Variants in SHROOM3 observed in about 807,000 individuals in gnomAD.
The protein encoded by SHROOM3 is shroom family member 3, also known as protein Shroom3.
Under a neutral mutation model 138.6 loss-of-function variants are expected in SHROOM3, and 47 were observed. That is an observed-to-expected ratio of 0.34 (90% CI 0.27 to 0.43). The LOEUF (loss-of-function observed/expected upper bound fraction) is 0.43, where lower values mean the gene tolerates loss of function less well. Ranked by LOEUF, SHROOM3 falls within the 20% of genes least tolerant of loss-of-function variation. The probability of loss-of-function intolerance (pLI) is 1.00; values close to 1 mark genes in which losing one functional copy is unlikely to be tolerated. For synonymous variants in SHROOM3, 1,062 were observed against 1,063.3 expected, an observed-to-expected ratio of 1.00 and a Z score of 0.02; for missense variants, 2,491 against 2,596.5, an observed-to-expected ratio of 0.96 and a Z score of 0.88.
chr4:76,612,268 C>T (rs1412943827), intron 2 of SHROOM3, among the ~76,000 whole-genome samples: 1 of 152,144 alleles, frequency 6.6e-6, no homozygotes, highest in Non-Finnish European at 1.5e-5. Context: ...TCTAGTTAAA[C>T]CTCTGGCTAG....
At chr4:76,601,019 C>CA (rs1371133176) in intron 2 of SHROOM3, among the ~76,000 whole-genome samples, 1 of 152,158 alleles carries the variant, frequency 6.6e-6, no homozygotes, top group Non-Finnish European at 1.5e-5. Context: ...AAAGTAATTA[C>CA]AGTTTTCGCA....
chr4:76,509,396 A>T (rs1732284845), intron 1 of SHROOM3: 1 of 152,116 alleles, frequency 6.6e-6, no homozygotes, highest in African/African-American at 2.4e-5. Flanking sequence ...ATGCTTGTAT[A>T]TTTCTTGGTC....
At chr4:76,586,718 C>A (rs974270980) in intron 2 of SHROOM3, among the ~76,000 whole-genome samples, 1 of 152,146 alleles carries the variant, frequency 6.6e-6, no homozygotes, top group African/African-American at 2.4e-5. Flanking sequence ...GCAACGGGCA[C>A]TTTTTCCTAT....
intron 1 of SHROOM3, among the ~76,000 whole-genome samples, chr4:76,475,036 T>C (rs1731456517): frequency 6.6e-6 from 1 of 152,194 alleles, no homozygotes; most frequent in African/African-American, 2.4e-5. Flanking sequence ...TCCTAGCCTT[T>C]GTACTAGAGA....
At chr4:76,772,243 A>G (rs1402423474) in intron 10 of SHROOM3, among the ~76,000 whole-genome samples, 1 of 151,634 alleles carries the variant, frequency 6.6e-6, no homozygotes, top group African/African-American at 2.4e-5. Context: ...AGCTGAGATT[A>G]CAGGTGCGCA....
rs115716040 is a variant in SHROOM3, at chr4:76,446,224, C to A, written c.168+10004C>A. Among the ~76,000 whole-genome samples the A allele has an allele frequency of 6.1e-3, 921 of 151,998 alleles. 10 individuals are homozygous for A. Among genetic ancestry groups the A allele is most frequent in the African/African-American group, 0.021 (880 of 41,438 alleles). On this transcript the variant is annotated intron_variant, in intron 1 of 10. Transcript: ENST00000296043. ...AGGTACACATCTAAGACCTTTTTAA[C>A]TTTCAGCCTGAAAAATTTCTTTCAA... is the stretch of plus-strand genomic sequence containing the variant.
At chr4:76,586,532 A>ATTTC in intron 2 of SHROOM3, 1 of 941,628 alleles carries the variant, frequency 1.1e-6, no homozygotes, top group Non-Finnish European at 1.3e-6. Context: ...GTTGGCAGAA[A>ATTTC]TGCCAGCATT....
At chr4:76,728,100 T>C (rs966632891) in intron 3 of SHROOM3, among the ~76,000 whole-genome samples, 41 of 151,742 alleles carry the variant, frequency 2.7e-4, no homozygotes, top group African/African-American at 9.4e-4. Flanking sequence ...CACTTGAACC[T>C]GGGAGGCAGA....
rs189855861 is a variant in SHROOM3 at position 76,514,777 on chromosome 4, G to C, written c.169-40832G>C. Among the ~76,000 whole-genome samples the C allele has an allele frequency of 5.3e-5, 8 of 152,186 alleles. No homozygotes were observed. The East Asian group carries it at 1.5e-3, about 29-fold the overall frequency. ...ATTAAAAATGAAGTATAGGGAAGGA[G>C]AACAAGACAACGAGGAAAGATGGAA... On this transcript the variant is annotated intron_variant, in intron 1 of 10. Transcript: ENST00000296043.
chr4:76,622,055 T>C (rs1173040136), intron 2 of SHROOM3, among the ~76,000 whole-genome samples: 2 of 152,060 alleles, frequency 1.3e-5, no homozygotes, highest in African/African-American at 4.8e-5. Context: ...GGTCTTGAAC[T>C]CCTTACCTCA....
chr4:76,444,897 A>G (rs1243149498), intron 1 of SHROOM3, among the ~76,000 whole-genome samples: 1 of 150,930 alleles, frequency 6.6e-6, no homozygotes, highest in Non-Finnish European at 1.5e-5. Context: ...AGGAGTTCAA[A>G]ACCAGCTTGG....
chr4:76,719,076 C>T (rs1331353730), intron 3 of SHROOM3, among the ~76,000 whole-genome samples: 1 of 152,112 alleles, frequency 6.6e-6, no homozygotes, highest in African/African-American at 2.4e-5. Context: ...CATTTGTCTG[C>T]CAGCAGAAGT....
chr4:76,709,945 A>G (rs1720180778), intron 2 of SHROOM3: 2 of 550,438 alleles, frequency 3.6e-6, no homozygotes, highest in Non-Finnish European at 6.5e-6. Context: ...GAACATGGAT[A>G]AAAAAGGAAG....
At position 76,533,320 on chromosome 4, in the gene SHROOM3, A is replaced by G. The variant is rs140167232; in HGVS notation, c.169-22289A>G. ...CTGTGCCTACTCTGGGGACACATAT[A>G]TTAGGATCAGAGGTGGCAAGACTAT... On this transcript the variant is annotated intron_variant, in intron 1 of 10. Transcript: ENST00000296043. Among the ~76,000 whole-genome samples, 228 of 152,312 alleles carry G rather than the reference A, an allele frequency of 1.5e-3. 2 individuals carry two copies. The highest frequency in any genetic ancestry group is 5.2e-3 in the African/African-American group (216 of 41,566).
At chr4:76,636,802 C>T (rs1408881644) in intron 2 of SHROOM3, among the ~76,000 whole-genome samples, 2 of 152,230 alleles carry the variant, frequency 1.3e-5, no homozygotes, top group Non-Finnish European at 2.9e-5. Flanking sequence ...AACCACCTTT[C>T]ACCCTGAGCT....
chr4:76,479,836 T>TAAAG (rs1731568014), intron 1 of SHROOM3, among the ~76,000 whole-genome samples: 1 of 151,332 alleles, frequency 6.6e-6, no homozygotes, highest in Non-Finnish European at 1.5e-5. Context: ...TCAACATTCT[T>TAAAG]AAAAGAATTT....
chr4:76,506,725 A>G (rs891652231), intron 1 of SHROOM3, among the ~76,000 whole-genome samples: 1 of 152,180 alleles, frequency 6.6e-6, no homozygotes, highest in African/African-American at 2.4e-5. Context: ...GATTCCCTGC[A>G]GCAACTACTC....
intron 1 of SHROOM3, among the ~76,000 whole-genome samples, chr4:76,497,517 C>T (rs986140668): frequency 2.0e-5 from 3 of 152,192 alleles, no homozygotes; most frequent in African/African-American, 7.2e-5. Flanking sequence ...AGAGGTACTG[C>T]TAATCCACAG....
At chr4:76,633,963 T>C (rs1037041298) in intron 2 of SHROOM3, among the ~76,000 whole-genome samples, 1 of 152,108 alleles carries the variant, frequency 6.6e-6, no homozygotes, top group African/African-American at 2.4e-5. Flanking sequence ...TTATAATGCA[T>C]TGAGCTAGAA....
Sources: allele counts gnomAD v4.1 joint callset (sites outside exome capture counted in the v4.1 genomes callset), GRCh38; gene constraint gnomAD v4.1.1; transcripts MANE v1.5; gene names NCBI Gene and HGNC (gene_info 2026-07-23, HGNC 2026-07-21).